Variants in PTPRS observed in about 807,000 individuals in gnomAD.
PTPRS encodes protein tyrosine phosphatase receptor type S.
In PTPRS, 63 loss-of-function variants were observed where a neutral mutation model predicts 215.3. The observed-to-expected ratio is 0.29, with a 90% confidence interval of 0.24 to 0.36. The LOEUF (loss-of-function observed/expected upper bound fraction) is 0.36. PTPRS is among the 10% of genes least tolerant of loss of function. The probability of loss-of-function intolerance (pLI) is 1.00; values close to 1 mark genes in which losing one functional copy is unlikely to be tolerated. For synonymous variants in PTPRS, 1,404 were observed against 1,191.4 expected, an observed-to-expected ratio of 1.18 and a Z score of -3.68; for missense variants, 2,258 against 2,825.8, an observed-to-expected ratio of 0.80 and a Z score of 4.56.
intron 1 of PTPRS, among the ~76,000 whole-genome samples, chr19:5,289,596 C>T (rs1175272124): frequency 6.6e-6 from 1 of 152,224 alleles, no homozygotes; most frequent in African/African-American, 2.4e-5. Flanking sequence ...CTTTCTCCCC[C>T]TCCTCCCTCT....
rs755594875 is a variant in PTPRS, at chr19:5,206,735, C to A, written c.*39G>T. 1 of 1,594,464 alleles carries A rather than the reference C, an allele frequency of 6.3e-7. No individual in the cohort carries two copies. The highest frequency in any genetic ancestry group is 8.6e-7 in the Non-Finnish European group (1 of 1,162,656). On this transcript the variant is annotated 3_prime_UTR_variant, in exon 38 of 38. Transcript: ENST00000262963. ...GTCCGCCCGGGAGGGGCAGAGGCAT[C>A]CGGGGCCAGTGGTGTCGGGCCTGGG...
At chr19:5,219,883 G>T in intron 22 of PTPRS, 56 bp downstream of exon 22, 1 of 1,569,714 alleles carries the variant, frequency 6.4e-7, no homozygotes, top group South Asian at 1.1e-5. Context: ...TGGGGAATGG[G>T]GTCTGCCTCA....
intron 9 of PTPRS, among the ~76,000 whole-genome samples, chr19:5,247,371 G>A (rs1449260052): frequency 6.6e-6 from 1 of 152,086 alleles, no homozygotes; most frequent in African/African-American, 2.4e-5. Flanking sequence ...GAAGTCAGAT[G>A]GGTTCCAGGA....
At chr19:5,250,597 G>A (rs1402344633) in intron 9 of PTPRS, among the ~76,000 whole-genome samples, 5 of 130,586 alleles carry the variant, frequency 3.8e-5, no homozygotes, top group Admixed American at 1.5e-4. Flanking sequence ...TCTCGTCACC[G>A]AGTAGCCGGG....
At chr19:5,263,600 C>T (rs561520401) in intron 5 of PTPRS, among the ~76,000 whole-genome samples, 28 of 152,198 alleles carry the variant, frequency 1.8e-4, no homozygotes, top group Admixed American at 8.5e-4. Context: ...GAAGGCAGGG[C>T]GTCAAGCCCG....
chr19:5,221,837 T>A (rs1415142491), intron 19 of PTPRS, among the ~76,000 whole-genome samples: 1 of 152,102 alleles, frequency 6.6e-6, no homozygotes, highest in African/African-American at 2.4e-5. Context: ...ATGGACTAAA[T>A]CTTAATCCCA....
chr19:5,310,825 C>T (rs1403995051), intron 1 of PTPRS, among the ~76,000 whole-genome samples: 2 of 152,152 alleles, frequency 1.3e-5, no homozygotes, highest in East Asian at 3.8e-4. Context: ...CCCACCTCAG[C>T]CTCCTGAGTA....
At chr19:5,264,128 C>T (rs537039946) in intron 5 of PTPRS, among the ~76,000 whole-genome samples, 1 of 127,604 alleles carries the variant, frequency 7.8e-6, no homozygotes, top group African/African-American at 2.7e-5. Flanking sequence ...CTGGACTGCC[C>T]GTCTGTGCCC....
chr19:5,235,950 C>G (rs112505929), intron 13 of PTPRS, among the ~76,000 whole-genome samples: 1 of 152,208 alleles, frequency 6.6e-6, no homozygotes, highest in African/African-American at 2.4e-5. Flanking sequence ...ATTTTCTGCA[C>G]GCCTACTGCA....
intron 1 of PTPRS, among the ~76,000 whole-genome samples, chr19:5,331,126 TTTAAAAAAAA>T (rs1397427622): frequency 2.3e-5 from 1 of 42,560 alleles, no homozygotes; most frequent in Non-Finnish European, 4.9e-5. Flanking sequence ...GGCTTCTTTT[TTTAAAAAAAA>T]AAAAAAAAAA....
chr19:5,284,636 G>T (rs2048183050), intron 2 of PTPRS, among the ~76,000 whole-genome samples: 1 of 151,926 alleles, frequency 6.6e-6, no homozygotes. Context: ...GAATGTATAG[G>T]GGCATTTACT....
At chr19:5,281,609 A>G (rs112620232) in intron 2 of PTPRS, among the ~76,000 whole-genome samples, 1 of 152,246 alleles carries the variant, frequency 6.6e-6, no homozygotes, top group Non-Finnish European at 1.5e-5. Context: ...TTTGCTCCAC[A>G]TTGAGGCTGG....
chr19:5,244,434 G>C lies in PTPRS; in HGVS notation c.1037C>G (p.Thr346Ser). ...CGAGTCCCACGTGATGGTGATGCTG[G>C]TGGCTGTGTTCTCAGTCACCATGGG... ...GTPMVTENTA[T>S]SITITWDSGN... The change falls in exon 11 of 38, where the codon ACC becomes AGC. Residue 346 changes from threonine to serine, a missense_variant. Physicochemically the swap from Thr to Ser is moderately conservative, Grantham distance 58 (BLOSUM62 1). This residue lies in a region of PTPRS where 508 missense variants were observed against 799.4 expected (regional missense o/e 0.64). Transcript: ENST00000262963. This position sits in a 1 kb window ranked among gnomAD's most constrained non-coding sequence, Gnocchi z 7.2. The C allele has an allele frequency of 1.9e-6, 3 of 1,614,162 alleles. No individual in the cohort carries two copies. Among genetic ancestry groups the C allele is most frequent in the Non-Finnish European group, 2.5e-6 (3 of 1,180,022 alleles).
At chr19:5,247,524 C>G (rs1391336685) in intron 9 of PTPRS, among the ~76,000 whole-genome samples, 1 of 152,198 alleles carries the variant, frequency 6.6e-6, no homozygotes, top group Non-Finnish European at 1.5e-5. Context: ...CCCTGGGTGA[C>G]AGTCTCAGGT....
In PTPRS at chr19:5,244,519, C is replaced by T; in HGVS notation, c.989-37G>A. 6.4e-7 allele frequency: 1 copy of T among 1,566,496 alleles called. No individual in the cohort carries two copies. Among genetic ancestry groups the T allele is most frequent in the Non-Finnish European group, 8.7e-7 (1 of 1,146,006 alleles). ...AGGCAGCTGTGTCACGCATTGGGCA[C>T]ATTGGTTGAGGACCCTGAAGGCTGT... On this transcript the variant is annotated intron_variant, in intron 10 of 37. Coordinates refer to ENST00000262963, the MANE Select transcript of PTPRS (RefSeq NM_002850.4). This position sits in a 1 kb window ranked among gnomAD's most constrained non-coding sequence, Gnocchi z 7.2.
At chr19:5,256,259 CAAA>C in intron 8 of PTPRS, 140 bp from the exon 9 acceptor site, 1 of 452,540 alleles carries the variant, frequency 2.2e-6, no homozygotes, top group African/African-American at 2.2e-5. Flanking sequence ...TTCTTTAAAC[CAAA>C]AAAAAAAATT....
chr19:5,326,752 G>A (rs1009352772), intron 1 of PTPRS, among the ~76,000 whole-genome samples: 2 of 145,860 alleles, frequency 1.4e-5, no homozygotes, highest in Non-Finnish European at 3.0e-5. Flanking sequence ...AGAAAATGAG[G>A]GAGAAGGAAG....
intron 12 of PTPRS, among the ~76,000 whole-genome samples, chr19:5,239,519 CAG>C (rs1402334228): frequency 1.3e-5 from 2 of 149,100 alleles, no homozygotes; most frequent in Admixed American, 6.7e-5. Flanking sequence ...GATACAGAGA[CAG>C]AGGAATAGAG....
chr19:5,223,414 G>A, intron 17 of PTPRS, 117 bp from the exon 18 acceptor site: 1 of 1,251,760 alleles, frequency 8.0e-7, no homozygotes, highest in Non-Finnish European at 1.0e-6. Context: ...TGAGTTGGGG[G>A]GGGTCTTACT....
Sources: allele counts gnomAD v4.1 joint callset (sites outside exome capture counted in the v4.1 genomes callset), GRCh38; gene constraint gnomAD v4.1.1; regional missense constraint gnomAD v4.1.1; non-coding constraint Gnocchi (gnomAD v3.1); transcripts MANE v1.5; gene names NCBI Gene and HGNC (gene_info 2026-07-23, HGNC 2026-07-21).